KRT7: variants seen among roughly 807,000 people sequenced by gnomAD.
The protein encoded by KRT7 is keratin 7, also known as keratin, type II cytoskeletal 7.
In KRT7, 50 loss-of-function variants were observed where a neutral mutation model predicts 42.8. The ratio of observed to expected loss-of-function variants is 1.17; its 90% CI spans 0.93 to 1.48. The LOEUF is 1.48. Ranked by LOEUF, KRT7 falls within the 40% of genes most tolerant of loss-of-function variation. The pLI, the probability that KRT7 is intolerant of heterozygous loss-of-function variation, is 0.00. For synonymous variants in KRT7, 268 were observed against 266.3 expected (o/e 1.01, Z -0.06); for missense variants, 588 against 637.6 (o/e 0.92, Z 0.84).
chr12:52,242,186 T>C (rs1181209042), intron 5 of KRT7, among the ~76,000 whole-genome samples: 1 of 152,156 alleles, frequency 6.6e-6, no homozygotes, highest in Non-Finnish European at 1.5e-5. Context: ...CTGGCCAGGC[T>C]GGTCTCAAAC....
chr12:52,237,711 C>G, intron 3 of KRT7, 142 bp downstream of exon 3: 1 of 545,456 alleles, frequency 1.8e-6, no homozygotes, highest in Non-Finnish European at 3.3e-6. Context: ...CACAGCCTGT[C>G]CTGTGGGTGC....
chr12:52,252,568 G>A, downstream of KRT7: 1 of 1,493,602 alleles, frequency 6.7e-7, no homozygotes, highest in African/African-American at 1.4e-5. Context: ...ACTAGCAGAA[G>A]AAAAAGAGGC....
intron 4 of KRT7, among the ~76,000 whole-genome samples, chr12:52,240,016 G>A (rs1329314591): frequency 1.3e-5 from 2 of 152,166 alleles, no homozygotes; most frequent in Non-Finnish European, 2.9e-5. Context: ...TTGCCTGAAC[G>A]TCCAGTCTCC....
chr12:52,254,939 C>T (rs1237224638), downstream of KRT7, among the ~76,000 whole-genome samples: 1 of 152,246 alleles, frequency 6.6e-6, no homozygotes, highest in Non-Finnish European at 1.5e-5. Context: ...GTCACTGCCC[C>T]TGCCTGTGGT....
intron 4 of KRT7, among the ~76,000 whole-genome samples, chr12:52,240,573 T>C (rs1942074069): frequency 6.6e-6 from 1 of 151,584 alleles, no homozygotes; most frequent in Non-Finnish European, 1.5e-5. Flanking sequence ...GAGGTTGCAG[T>C]GAGCCAAGAT....
Position 52,245,641 on chromosome 12 carries a change from A to G in KRT7, c.1205+9A>G. Reference sequence around the variant, plus strand: ...GAGGGCGAGGAGAGCCGGTGAGGACAAGGAACCTGGAAAGGGGATGCTTCT... The same window carrying G: ...GAGGGCGAGGAGAGCCGGTGAGGACGAGGAACCTGGAAAGGGGATGCTTCT... On this transcript the variant is annotated intron_variant, in intron 7 of 8. Coordinates refer to ENST00000331817, the MANE Select transcript of KRT7 (RefSeq NM_005556.4). 1 of 1,613,162 alleles carries G rather than the reference A, an allele frequency of 6.2e-7. No homozygotes were observed. Among genetic ancestry groups the G allele is most frequent in the Non-Finnish European group, 8.5e-7 (1 of 1,179,998 alleles).
At chr12:52,253,592 GC>G, downstream of KRT7, 3 of 1,590,952 alleles carry the variant, frequency 1.9e-6, no homozygotes, top group Non-Finnish European at 2.6e-6. Flanking sequence ...GGTGTCCTGT[GC>G]CACTCACCTT....
chr12:52,241,693 C>T (rs1434620547), intron 5 of KRT7, 57 bp downstream of exon 5: 6 of 1,479,950 alleles, frequency 4.1e-6, no homozygotes, highest in Admixed American at 1.9e-5. Context: ...GGCAGCTTCC[C>T]TTACTCCTCA....
chr12:52,253,154 T>C (rs375818428), downstream of KRT7: 1 of 1,520,164 alleles, frequency 6.6e-7, no homozygotes, highest in East Asian at 2.3e-5. Flanking sequence ...CCCAAATCCC[T>C]CTCCTGAGGG....
chr12:52,242,262 C>T (rs754684845), intron 5 of KRT7, among the ~76,000 whole-genome samples: 13 of 152,222 alleles, frequency 8.5e-5, no homozygotes, highest in South Asian at 2.1e-4. Flanking sequence ...CGTGAGACAC[C>T]GCACCCAGCC....
chr12:52,252,448 C>A (rs768173940), downstream of KRT7: 4 of 1,614,110 alleles, frequency 2.5e-6, no homozygotes, highest in Non-Finnish European at 3.4e-6. Context: ...CCCTGCTGCT[C>A]AGACTGGGCC....
intron 8 of KRT7, 46 bp from the exon 9 acceptor site, chr12:52,248,545 G>C: frequency 6.6e-7 from 1 of 1,518,760 alleles, no homozygotes; most frequent in Non-Finnish European, 8.9e-7. Context: ...GGGGTCCCTG[G>C]TAGGGAGCCT....
chr12:52,234,173 C>T (rs1941976041), intron 1 of KRT7, among the ~76,000 whole-genome samples: 1 of 151,624 alleles, frequency 6.6e-6, no homozygotes. Context: ...GCCTGGTCCT[C>T]CAGCCTCCCT....
rs554306447 is a variant in KRT7, at chr12:52,240,603, T to G, written c.694-869T>G. 2.9e-4 allele frequency among the ~76,000 whole-genome samples: 44 copies of G among 151,962 alleles called. 1 individual carries two copies. In the South Asian group the frequency reaches 5.6e-3, roughly 19 times the overall value. The stretch of plus-strand genomic sequence containing the variant: ...CAAGATTGTGCCACTGTACTCCAGC[T>G]TGGGTGACAGAGCAAAACTCTGTCT... On this transcript the variant is annotated intron_variant, in intron 4 of 8. Transcript: ENST00000331817.
intron 2 of KRT7, among the ~76,000 whole-genome samples, chr12:52,236,396 C>T (rs1565717159): frequency 6.6e-6 from 1 of 151,032 alleles, no homozygotes; most frequent in Non-Finnish European, 1.5e-5. Flanking sequence ...CCTCAGAGCA[C>T]CTTCCTGTGG....
At chr12:52,241,830 T>G in intron 5 of KRT7, 194 bp downstream of exon 5, 1 of 502,044 alleles carries the variant, frequency 2.0e-6, no homozygotes, top group Non-Finnish European at 3.5e-6. Flanking sequence ...TAGATATGGA[T>G]TAATCATTAT....
Position 52,243,068 on chromosome 12 carries a change from G to A in KRT7, c.915G>A (p.Arg305=), listed in dbSNP as rs1323806650. The change falls in exon 6 of 9, where the codon CGG becomes CGA. Residue 305 remains arginine, a synonymous_variant. Coordinates refer to ENST00000331817, the MANE Select transcript of KRT7 (RefSeq NM_005556.4). ...GKHGDDLRNT[R]NEISEMNRAI... ...ATGGGGACGACCTCCGGAATACCCG[G>A]AATGAGATTTCAGAGATGAACCGGG... 5 of 1,614,000 alleles carry A rather than the reference G, an allele frequency of 3.1e-6. No homozygotes were observed. Among genetic ancestry groups the A allele is most frequent in the East Asian group, 2.2e-5 (1 of 44,862 alleles).
intron 1 of KRT7, 151 bp downstream of exon 1, chr12:52,233,771 C>G: frequency 1.3e-6 from 1 of 786,512 alleles, no homozygotes; most frequent in South Asian, 1.5e-5. Flanking sequence ...TCTGGGGGTC[C>G]TTCCTCCTTC....
At chr12:52,244,229 G>A (rs1672329624) in intron 6 of KRT7, 2 of 759,566 alleles carry the variant, frequency 2.6e-6, no homozygotes, top group Non-Finnish European at 3.2e-6. Context: ...GGCGGAGGCT[G>A]CCTTGGGGCA....
Sources: gnomAD v4.1 joint callset for allele counts (sites outside exome capture counted in the v4.1 genomes callset) on GRCh38, gnomAD v4.1.1 for gene constraint, MANE v1.5 for transcripts, NCBI Gene and HGNC (gene_info 2026-07-23, HGNC 2026-07-21) for gene names.